TAOK1: variants seen among roughly 807,000 people sequenced by gnomAD.
TAOK1 encodes the protein serine/threonine-protein kinase TAO1.
Under a neutral mutation model 138.3 loss-of-function variants are expected in TAOK1, and 21 were observed. The observed-to-expected ratio is 0.15, with a 90% CI of 0.11 to 0.22. TAOK1 has a LOEUF of 0.22. TAOK1 is among the 10% of genes least tolerant of loss of function. TAOK1 has a pLI of 1.00. For missense variants in TAOK1, 651 were observed against 1,227.7 expected, an observed-to-expected ratio of 0.53 and a Z score of 7.02; for synonymous variants, 361 against 398.4, an observed-to-expected ratio of 0.91 and a Z score of 1.12.
rs560494619 is a variant in TAOK1 at position 29,451,716 on chromosome 17, T to C, written c.132+36T>C. On this transcript the variant is annotated intron_variant, in intron 2 of 19. Coordinates refer to ENST00000261716, the MANE Select transcript of TAOK1 (RefSeq NM_020791.4). ...GTGGCTTGATGTCAGTGACTAAAAT[T>C]TACTTAATGTCCACTCCTGACAGAG... 3.3e-5 allele frequency: 52 copies of C among 1,598,298 alleles called. 1 individual carries two copies. The African/African-American group carries it at 5.3e-4, about 16-fold the overall frequency.
intron 5 of TAOK1, 135 bp downstream of exon 5, chr17:29,477,841 C>T (rs977013404): frequency 2.4e-6 from 1 of 425,260 alleles, no homozygotes; most frequent in Non-Finnish European, 3.9e-6. Flanking sequence ...TGTTCAAATT[C>T]TCAGCATGGT....
At chr17:29,536,831 C>G (rs1173323621) in intron 19 of TAOK1, among the ~76,000 whole-genome samples, 1 of 151,364 alleles carries the variant, frequency 6.6e-6, no homozygotes, top group Admixed American at 6.6e-5. Context: ...TCCCGAGTAC[C>G]TGGGACTACA....
intron 10 of TAOK1, among the ~76,000 whole-genome samples, chr17:29,493,532 C>A (rs1251567984): frequency 2.0e-5 from 3 of 151,318 alleles, no homozygotes; most frequent in South Asian, 4.2e-4. Context: ...TGGCTTCTTA[C>A]ATTTGCCAAA....
At chr17:29,476,198 C>T (rs577757220) in intron 4 of TAOK1, among the ~76,000 whole-genome samples, 61 of 152,296 alleles carry the variant, frequency 4.0e-4, no homozygotes, top group African/African-American at 1.4e-3. Context: ...GGTCGAATAA[C>T]ACTAAAGATA....
chr17:29,476,299 C>T (rs2030939434), intron 4 of TAOK1, among the ~76,000 whole-genome samples: 1 of 152,082 alleles, frequency 6.6e-6, no homozygotes, highest in Admixed American at 6.6e-5. Context: ...ATTAATAAGT[C>T]ACAGCTAAGT....
At position 29,495,570 on chromosome 17, in the gene TAOK1, T is replaced by C; in HGVS notation, c.842T>C (p.Val281Ala). Residue 281 changes from valine (V) to alanine (A), a missense_variant, in exon 11 of 20, where the codon GTT becomes GCT. Physicochemically the swap from Val to Ala is moderately conservative, Grantham distance 64 (BLOSUM62 0). This residue lies in a region of TAOK1 where 39 missense variants were observed against 52.5 expected (regional missense o/e 0.74). Transcript: ENST00000261716. ...TTCTACCCTATCTAGCACATATTTG[T>C]TCTTCGGGAGCGCCCTGAAACCGTG... Reference protein sequence around the residue: ...TSEELLKHIFVLRERPETVLI... With the variant: ...TSEELLKHIFALRERPETVLI... 6.3e-7 allele frequency: 1 copy of C among 1,599,122 alleles called. No individual in the cohort carries two copies.
intron 1 of TAOK1, among the ~76,000 whole-genome samples, chr17:29,432,230 A>C (rs56140164): frequency 0.16 from 24,378 of 152,158 alleles, 2,072 homozygotes; most frequent in Admixed American, 0.21. Flanking sequence ...CTAAAATGGG[A>C]AACAAAGGGA....
At chr17:29,437,327 A>G (rs1906065852) in intron 1 of TAOK1, among the ~76,000 whole-genome samples, 4 of 151,954 alleles carry the variant, frequency 2.6e-5, no homozygotes, top group South Asian at 2.1e-4. Flanking sequence ...CTCCAAAAGC[A>G]CTGGGATTAC....
intron 1 of TAOK1, among the ~76,000 whole-genome samples, chr17:29,445,789 A>C (rs2030061189): frequency 6.6e-6 from 1 of 152,174 alleles, no homozygotes; most frequent in Non-Finnish European, 1.5e-5. Flanking sequence ...AGTTTTTGTC[A>C]GTGTTCTGAA....
intron 1 of TAOK1, among the ~76,000 whole-genome samples, chr17:29,435,675 TG>T (rs1444202986): frequency 1.3e-5 from 2 of 152,224 alleles, no homozygotes; most frequent in Admixed American, 6.5e-5. Flanking sequence ...ATGGGGCTTT[TG>T]TTGGTTCTGC....
intron 1 of TAOK1, among the ~76,000 whole-genome samples, chr17:29,438,189 T>C (rs1025579613): frequency 1.3e-5 from 2 of 152,228 alleles, no homozygotes; most frequent in Non-Finnish European, 1.5e-5. Flanking sequence ...TTTTTAAATT[T>C]ATTTTTATTA....
chr17:29,457,203 A>AC (rs2030404327), intron 2 of TAOK1, among the ~76,000 whole-genome samples: 1 of 134,136 alleles, frequency 7.5e-6, no homozygotes, highest in Non-Finnish European at 1.5e-5. Flanking sequence ...GGGTTCAAGC[A>AC]CCCCTCCCAC....
intron 9 of TAOK1, among the ~76,000 whole-genome samples, chr17:29,491,083 CT>C (rs1280709131): frequency 6.6e-6 from 1 of 152,190 alleles, no homozygotes; most frequent in Non-Finnish European, 1.5e-5. Flanking sequence ...TGAACACAGA[CT>C]GTCTTTACAC....
intron 1 of TAOK1, among the ~76,000 whole-genome samples, chr17:29,423,338 C>T (rs1182918573): frequency 1.3e-5 from 2 of 151,188 alleles, no homozygotes; most frequent in African/African-American, 4.9e-5. Flanking sequence ...TGCTCAGCCT[C>T]CTGAGTAGCT....
intron 13 of TAOK1, among the ~76,000 whole-genome samples, chr17:29,507,625 C>T (rs916883429): frequency 6.6e-6 from 1 of 152,140 alleles, no homozygotes; most frequent in Non-Finnish European, 1.5e-5. Flanking sequence ...AAGCCAGTAT[C>T]ACATTGTCTT....
chr17:29,452,091 C>T (rs1025373227), intron 2 of TAOK1, among the ~76,000 whole-genome samples: 17 of 152,018 alleles, frequency 1.1e-4, no homozygotes, highest in Admixed American at 9.2e-4. Context: ...TGGTGCACAC[C>T]TGTAGTTCCA....
At chr17:29,467,833 AT>A (rs891496212) in intron 3 of TAOK1, among the ~76,000 whole-genome samples, 3 of 147,194 alleles carry the variant, frequency 2.0e-5, no homozygotes, top group South Asian at 4.3e-4. Flanking sequence ...ATTTATTTTT[AT>A]TTTTTTTTAG....
intron 12 of TAOK1, among the ~76,000 whole-genome samples, chr17:29,502,016 G>A (rs866134522): frequency 2.0e-5 from 3 of 152,052 alleles, no homozygotes; most frequent in Non-Finnish European, 4.4e-5. Flanking sequence ...CTCCAACCTG[G>A]GTGACAAAGC....
At chr17:29,444,102 G>A (rs1005310098) in intron 1 of TAOK1, among the ~76,000 whole-genome samples, 1 of 136,376 alleles carries the variant, frequency 7.3e-6, no homozygotes, top group Non-Finnish European at 1.6e-5. Context: ...CTGACAGAGT[G>A]AGACTGTCTC....
Sources: gnomAD v4.1 joint callset for allele counts (sites outside exome capture counted in the v4.1 genomes callset) on GRCh38, gnomAD v4.1.1 for gene constraint, gnomAD v4.1.1 regional missense constraint, MANE v1.5 for transcripts, NCBI Gene and HGNC (gene_info 2026-07-23, HGNC 2026-07-21) for gene names.